SCHIP1: variants seen among roughly 807,000 people sequenced by gnomAD.
SCHIP1 encodes the protein schwannomin-interacting protein 1.
A neutral mutation model predicts 29.7 loss-of-function variants in SCHIP1; 8 were observed. That is an observed-to-expected ratio of 0.27 (90% confidence interval 0.16 to 0.49). The LOEUF (loss-of-function observed/expected upper bound fraction) is 0.49, where lower values mean the gene tolerates loss of function less well. Ranked by LOEUF, SCHIP1 falls within the 20% of genes least tolerant of loss-of-function variation. SCHIP1 has a pLI of 0.99. For synonymous variants in SCHIP1, 76 were observed against 94.9 expected (o/e 0.80, Z 1.16); for missense variants, 193 against 294.6 (o/e 0.66, Z 2.52).
chr3:159,892,339 G>C, intron 6 of SCHIP1, 149 bp downstream of exon 7: 1 of 842,074 alleles, frequency 1.2e-6, no homozygotes, highest in Non-Finnish European at 1.9e-6. Flanking sequence ...TTCAGATGGA[G>C]GGGAAGCAGA....
chr3:159,552,123 C>A, the SCHIP1 span, among the ~76,000 whole-genome samples: 2 of 150,108 alleles, frequency 1.3e-5, no homozygotes, highest in South Asian at 4.2e-4. Context: ...ACTGCAGCCT[C>A]CGCCTCCCAA....
chr3:159,720,005 G>T, the SCHIP1 span, among the ~76,000 whole-genome samples: 1 of 152,150 alleles, frequency 6.6e-6, no homozygotes, highest in Non-Finnish European at 1.5e-5. Context: ...TGATAGACTG[G>T]ATTAAGAAAA....
Position 159,882,306 on chromosome 3 carries a change from A to G in SCHIP1, c.150-3901A>G, listed in dbSNP as rs190122742. ...AACATACTTTAAAATTCAATGCAAC[A>G]GTTCAAGTAAAGTGAACCAAAGTGC... On this transcript the variant is annotated intron_variant, in intron 2 of 6. Transcript: ENST00000445224. Among the ~76,000 whole-genome samples the G allele has an allele frequency of 3.4e-4, 52 of 152,336 alleles. 1 individual carries two copies. Among genetic ancestry groups the G allele is most frequent in the African/African-American group, 1.2e-3 (50 of 41,572 alleles).
chr3:159,887,680 G>T (rs1244683772), intron 3 of SCHIP1, 28 bp from the exon 5 acceptor site: 1 of 1,613,082 alleles, frequency 6.2e-7, no homozygotes, highest in African/African-American at 1.3e-5. Context: ...TGCATGGAAG[G>T]CTCAGGCTGC....
At chr3:159,527,144 A>G in the SCHIP1 span, among the ~76,000 whole-genome samples, 1 of 152,140 alleles carries the variant, frequency 6.6e-6, no homozygotes, top group Non-Finnish European at 1.5e-5. Flanking sequence ...ACTTTCTGAG[A>G]TGTTCTCTTG....
chr3:159,763,441 G>A, the SCHIP1 span, among the ~76,000 whole-genome samples: 1 of 152,122 alleles, frequency 6.6e-6, no homozygotes, highest in African/African-American at 2.4e-5. Flanking sequence ...GAAAATACGG[G>A]TGTCGGCGTG....
At chr3:159,297,708 A>T in the SCHIP1 span, among the ~76,000 whole-genome samples, 3 of 152,216 alleles carry the variant, frequency 2.0e-5, no homozygotes, top group Non-Finnish European at 2.9e-5. Context: ...ACTGTCAATC[A>T]GAAAAGGGCA....
chr3:159,348,663 C>G, the SCHIP1 span, among the ~76,000 whole-genome samples: 8 of 152,122 alleles, frequency 5.3e-5, no homozygotes, highest in African/African-American at 1.9e-4. Context: ...ACAACCATTG[C>G]ATTTCCATCT....
the SCHIP1 span, among the ~76,000 whole-genome samples, chr3:159,352,117 T>A: frequency 6.6e-6 from 1 of 152,224 alleles, no homozygotes; most frequent in African/African-American, 2.4e-5. Context: ...GGGGTCATTA[T>A]GGGACCTTGT....
chr3:159,717,136 G>A, the SCHIP1 span, among the ~76,000 whole-genome samples: 40 of 152,220 alleles, frequency 2.6e-4, 1 homozygote, highest in African/African-American at 9.6e-4. Context: ...TGACTACTGG[G>A]TACATAACAA....
At chr3:159,618,247 T>A in the SCHIP1 span, among the ~76,000 whole-genome samples, 1 of 152,312 alleles carries the variant, frequency 6.6e-6, no homozygotes, top group Admixed American at 6.5e-5. Flanking sequence ...AAATACTATT[T>A]CCCAGGTTTT....
the SCHIP1 span, among the ~76,000 whole-genome samples, chr3:159,377,062 T>C: frequency 1.4e-4 from 21 of 152,240 alleles, no homozygotes; most frequent in Admixed American, 6.5e-5. Context: ...CACTTTATTC[T>C]TTCTCAGTTC....
At chr3:159,286,287 ATCATT>A in the SCHIP1 span, among the ~76,000 whole-genome samples, 1 of 152,220 alleles carries the variant, frequency 6.6e-6, no homozygotes, top group East Asian at 1.9e-4. Flanking sequence ...ATGTGTTCTC[ATCATT>A]TAGCTCCCAC....
the SCHIP1 span, among the ~76,000 whole-genome samples, chr3:159,729,273 G>A: frequency 6.6e-6 from 1 of 152,182 alleles, no homozygotes; most frequent in African/African-American, 2.4e-5. Flanking sequence ...GCAGCATGTT[G>A]TTTAATGATG....
At chr3:159,752,000 C>G in the SCHIP1 span, among the ~76,000 whole-genome samples, 1 of 152,128 alleles carries the variant, frequency 6.6e-6, no homozygotes. Context: ...TGAGCTGTCA[C>G]AAGATCTGGT....
At chr3:159,528,447 G>A in the SCHIP1 span, among the ~76,000 whole-genome samples, 1 of 152,090 alleles carries the variant, frequency 6.6e-6, no homozygotes, top group Non-Finnish European at 1.5e-5. Flanking sequence ...CTGCTGCCTC[G>A]CTGCTAGTGA....
At chr3:159,719,817 A>T in the SCHIP1 span, among the ~76,000 whole-genome samples, 1 of 152,232 alleles carries the variant, frequency 6.6e-6, no homozygotes, top group Non-Finnish European at 1.5e-5. Context: ...ATTGTGGAAG[A>T]CAGTGTGAGA....
chr3:159,719,529 A>G, the SCHIP1 span, among the ~76,000 whole-genome samples: 2 of 152,202 alleles, frequency 1.3e-5, no homozygotes, highest in African/African-American at 4.8e-5. Context: ...ACTTAAACAA[A>G]TTTACAAGAA....
At chr3:159,674,171 A>G in the SCHIP1 span, among the ~76,000 whole-genome samples, 1 of 152,102 alleles carries the variant, frequency 6.6e-6, no homozygotes, top group Non-Finnish European at 1.5e-5. Flanking sequence ...CTCTTCATCA[A>G]TCCCTTGCCA....
Sources: gnomAD v4.1 joint callset for allele counts (sites outside exome capture counted in the v4.1 genomes callset) on GRCh38, gnomAD v4.1.1 for gene constraint, MANE v1.5 for transcripts, NCBI Gene and HGNC (gene_info 2026-07-23, HGNC 2026-07-21) for gene names.